PRKCH: variants seen among roughly 807,000 people sequenced by gnomAD.
The protein encoded by PRKCH is protein kinase C eta, also known as protein kinase C eta type.
Under a neutral mutation model 82.5 loss-of-function variants are expected in PRKCH, and 28 were observed. That is an observed-to-expected ratio of 0.34 (90% confidence interval 0.25 to 0.47). The LOEUF (loss-of-function observed/expected upper bound fraction) is 0.47. Ranked by LOEUF, PRKCH falls within the 20% of genes least tolerant of loss-of-function variation. The pLI, the probability that PRKCH is intolerant of heterozygous loss-of-function variation, is 1.00. For synonymous variants in PRKCH, 322 were observed against 327.4 expected (o/e 0.98, Z 0.18); for missense variants, 705 against 881.8 (o/e 0.80, Z 2.54).
At chr14:61,414,863 TCCCCCTCTGCC>T (rs1158160479) in intron 2 of PRKCH, among the ~76,000 whole-genome samples, 3 of 152,132 alleles carry the variant, frequency 2.0e-5, no homozygotes, top group African/African-American at 4.8e-5. Context: ...ATAAAAGCAT[TCCCCCTCTGCC>T]AAGCACCATA....
chr14:61,375,217 C>G (rs111366338), intron 1 of PRKCH, among the ~76,000 whole-genome samples: 10 of 152,022 alleles, frequency 6.6e-5, no homozygotes, highest in Non-Finnish European at 1.5e-4. Flanking sequence ...CCAGTAAGTT[C>G]CTCAGTCTCC....
At chr14:61,505,395 C>CTTTTTTTTTTTTTTTTTTTTTTT (rs60304150) in intron 10 of PRKCH, among the ~76,000 whole-genome samples, 16 of 55,764 alleles carry the variant, frequency 2.9e-4, no homozygotes, top group Non-Finnish European at 3.5e-4. Context: ...CTTTTCTTTT[C>CTTTTTTTTTTTTTTTTTTTTTTT]TTTTTTTTTT....
At chr14:61,440,517 CTT>C (rs1417357399) in intron 2 of PRKCH, among the ~76,000 whole-genome samples, 3 of 152,338 alleles carry the variant, frequency 2.0e-5, no homozygotes, top group Middle Eastern at 3.4e-3. Flanking sequence ...GCATTTCACT[CTT>C]TGAGATCTAT....
chr14:61,393,591 C>G (rs932250561), intron 2 of PRKCH, among the ~76,000 whole-genome samples: 4 of 152,218 alleles, frequency 2.6e-5, no homozygotes, highest in Non-Finnish European at 4.4e-5. Context: ...CATCCTAGCT[C>G]TTGCTCCTGT....
intron 1 of PRKCH, among the ~76,000 whole-genome samples, chr14:61,227,206 C>T (rs906905878): frequency 6.6e-6 from 1 of 152,350 alleles, no homozygotes; most frequent in East Asian, 1.9e-4. Flanking sequence ...CTGCTTTCCT[C>T]GCTTACTCAC....
intron 5 of PRKCH, among the ~76,000 whole-genome samples, chr14:61,450,434 A>G (rs766779607): frequency 6.6e-6 from 1 of 152,214 alleles, no homozygotes; most frequent in Non-Finnish European, 1.5e-5. Flanking sequence ...CCCGTGACAC[A>G]ATGTCTGGAA....
chr14:61,298,506 C>T (rs942849727), intron 1 of PRKCH: 4 of 152,096 alleles, frequency 2.6e-5, no homozygotes, highest in Admixed American at 6.5e-5. Flanking sequence ...CTCCACATCA[C>T]GATCCCTAAT....
chr14:61,297,605 T>C (rs557710482), intron 1 of PRKCH, among the ~76,000 whole-genome samples: 1 of 152,306 alleles, frequency 6.6e-6, no homozygotes, highest in East Asian at 1.9e-4. Flanking sequence ...CATAATTAGA[T>C]ATTAGATTCT....
intron 2 of PRKCH, among the ~76,000 whole-genome samples, chr14:61,431,811 T>G (rs899966809): frequency 6.6e-6 from 1 of 152,250 alleles, no homozygotes; most frequent in African/African-American, 2.4e-5. Flanking sequence ...AGCAATTCTT[T>G]CTTTTACAGT....
At chr14:61,217,297 G>T (rs544728365) in intron 1 of PRKCH, among the ~76,000 whole-genome samples, 12 of 152,126 alleles carry the variant, frequency 7.9e-5, no homozygotes, top group Non-Finnish European at 1.6e-4. Flanking sequence ...GGAGGCTAAG[G>T]CAGGAGGATC....
At chr14:61,324,363 G>A (rs554991063) in intron 1 of PRKCH, among the ~76,000 whole-genome samples, 6 of 152,290 alleles carry the variant, frequency 3.9e-5, no homozygotes, top group Middle Eastern at 3.4e-3. Flanking sequence ...TTTGGAAAAC[G>A]TTGAGTGGTT....
chr14:61,202,022 A>G (rs563283901), intron 1 of PRKCH, among the ~76,000 whole-genome samples: 3 of 152,310 alleles, frequency 2.0e-5, no homozygotes, highest in African/African-American at 7.2e-5. Flanking sequence ...AACCATGCCC[A>G]TATTATTCAC....
At chr14:61,258,732 C>G (rs1328486534) in intron 1 of PRKCH, among the ~76,000 whole-genome samples, 1 of 152,190 alleles carries the variant, frequency 6.6e-6, no homozygotes, top group East Asian at 1.9e-4. Flanking sequence ...AAAGTTCCCT[C>G]CAGGACTTTA....
At chr14:61,490,848 G>A (rs1013311659) in intron 10 of PRKCH, among the ~76,000 whole-genome samples, 1 of 152,150 alleles carries the variant, frequency 6.6e-6, no homozygotes, top group African/African-American at 2.4e-5. Flanking sequence ...AGCACGGGAG[G>A]TGTAGGTTGC....
At chr14:61,195,647 G>T (rs945549148) in intron 1 of PRKCH, among the ~76,000 whole-genome samples, 1 of 152,202 alleles carries the variant, frequency 6.6e-6, no homozygotes. Context: ...TATCTCCCGG[G>T]AAGACACCTT....
chr14:61,466,341 C>T (rs774850091), intron 9 of PRKCH, among the ~76,000 whole-genome samples: 9 of 152,092 alleles, frequency 5.9e-5, no homozygotes, highest in African/African-American at 1.9e-4. Context: ...TCATTTATGG[C>T]GAAATTCACA....
At chr14:61,232,325 A>G (rs1566788631) in intron 1 of PRKCH, among the ~76,000 whole-genome samples, 4 of 152,256 alleles carry the variant, frequency 2.6e-5, no homozygotes, top group African/African-American at 7.2e-5. Context: ...TCCTGAGTTC[A>G]AACAATTCTT....
chr14:61,217,772 G>A (rs1437721912), intron 1 of PRKCH, among the ~76,000 whole-genome samples: 2 of 152,222 alleles, frequency 1.3e-5, no homozygotes, highest in African/African-American at 4.8e-5. Context: ...TGTGCACTCA[G>A]TATCCACAGG....
At chr14:61,506,402 AG>A (rs1339557431) in intron 10 of PRKCH, among the ~76,000 whole-genome samples, 5 of 152,082 alleles carry the variant, frequency 3.3e-5, no homozygotes, top group African/African-American at 1.2e-4. Flanking sequence ...GATTGAAGTC[AG>A]GGGGGTGGGT....
Sources: gnomAD v4.1 joint callset for allele counts (sites outside exome capture counted in the v4.1 genomes callset) on GRCh38, gnomAD v4.1.1 for gene constraint, MANE v1.5 for transcripts, NCBI Gene and HGNC (gene_info 2026-07-23, HGNC 2026-07-21) for gene names.